Variants in ZNF37A observed in about 807,000 individuals in gnomAD.
The protein encoded by ZNF37A is zinc finger protein 37a (KOX 21).
In ZNF37A, 10 loss-of-function variants were observed where a neutral mutation model predicts 12.3. That is an observed-to-expected ratio of 0.82 (90% CI 0.50 to 1.38). The LOEUF is 1.38. ZNF37A is among the 40% of genes most tolerant of loss of function. The probability of loss-of-function intolerance (pLI) is 0.00; values close to 1 mark genes in which losing one functional copy is unlikely to be tolerated. For missense variants in ZNF37A, 580 were observed against 651.2 expected (o/e 0.89, Z 1.19); for synonymous variants, 207 against 223.0 (o/e 0.93, Z 0.64).
chr10:38,125,650 C>A (rs1422822164), downstream of ZNF37A: 1 of 152,128 alleles, frequency 6.6e-6, no homozygotes, highest in Non-Finnish European at 1.5e-5. Context: ...TTCCACTATT[C>A]TTAATATGGG....
In ZNF37A at chr10:38,118,070, A is replaced by G; in HGVS notation, c.919A>G (p.Thr307Ala). 6.2e-7 allele frequency: 1 copy of G among 1,613,884 alleles called. No homozygotes were observed. The highest frequency in any genetic ancestry group is 8.5e-7 in the Non-Finnish European group (1 of 1,179,928). Reference protein sequence around the residue: ...KPYECHECGKTFYKNSDLIKH... With the variant: ...KPYECHECGKAFYKNSDLIKH... The stretch of plus-strand genomic sequence containing the variant: ...CTATGAATGTCATGAATGTGGGAAG[A>G]CCTTCTATAAGAATTCAGACCTCAT... Residue 307 changes from threonine (T) to alanine (A), a missense_variant, in exon 8 of 8, where the codon ACC (threonine) becomes GCC (alanine). Transcript: ENST00000685332.
rs1420514296 is a variant in ZNF37A at position 38,135,504 on chromosome 10, A to G, written c.239-11228A>G. ...TATAGATTACTAATTATTTTTACAC[A>G]TTTGTCTTTTAAATTCTATAGAAAA... On this transcript the variant is annotated intron_variant, in intron 7 of 7. Coordinates refer to the ZNF37A transcript ENST00000638053. 3.3e-5 allele frequency among the ~76,000 whole-genome samples: 5 copies of G among 152,370 alleles called. No homozygotes were observed. The East Asian group carries it at 7.7e-4, about 23-fold the overall frequency.
At chr10:38,108,732 A>G (rs184604542) in intron 5 of ZNF37A, among the ~76,000 whole-genome samples, 1 of 152,300 alleles carries the variant, frequency 6.6e-6, no homozygotes, top group Admixed American at 6.5e-5. Context: ...TAGAAAATCT[A>G]GAAGAAATGG....
chr10:38,116,732 T>C (rs1374750433), intron 7 of ZNF37A, among the ~76,000 whole-genome samples: 1 of 152,208 alleles, frequency 6.6e-6, no homozygotes, highest in East Asian at 1.9e-4. Flanking sequence ...ACCATAAACC[T>C]GATCCTGTGG....
intron 5 of ZNF37A, among the ~76,000 whole-genome samples, chr10:38,110,718 A>C (rs1001849055): frequency 2.0e-5 from 3 of 152,214 alleles, no homozygotes; most frequent in Non-Finnish European, 2.9e-5. Context: ...GCGGCCAACA[A>C]ACATATGAAA....
chr10:38,133,926 C>A (rs537245971), intron 7 of ZNF37A, among the ~76,000 whole-genome samples: 14 of 152,334 alleles, frequency 9.2e-5, no homozygotes, highest in African/African-American at 3.4e-4. Context: ...GTACACCAAT[C>A]AGACGTAGAT....
chr10:38,098,833 T>G (rs1420365856), intron 5 of ZNF37A, among the ~76,000 whole-genome samples: 1 of 152,174 alleles, frequency 6.6e-6, no homozygotes, highest in African/African-American at 2.4e-5. Context: ...AGCCTAAAAT[T>G]TTTTTGTTTA....
chr10:38,129,871 T>C (rs1371470597), downstream of ZNF37A, among the ~76,000 whole-genome samples: 2 of 152,258 alleles, frequency 1.3e-5, no homozygotes, highest in Non-Finnish European at 2.9e-5. Context: ...GAGGATGATT[T>C]ACTTTGGTAA....
chr10:38,142,750 A>G (rs1449012812), intron 7 of ZNF37A: 1 of 152,172 alleles, frequency 6.6e-6, no homozygotes, highest in Non-Finnish European at 1.5e-5. Context: ...GTGACATTTT[A>G]TGCACGTCAC....
chr10:38,144,053 A>G (rs1043695298), intron 7 of ZNF37A: 11 of 152,234 alleles, frequency 7.2e-5, no homozygotes, highest in Non-Finnish European at 1.2e-4. Flanking sequence ...TGGGCTGCAG[A>G]GGTCAACAGG....
rs542797276 is a variant in ZNF37A, at chr10:38,134,265, C to T, written c.239-12467C>T. Among the ~76,000 whole-genome samples the T allele has an allele frequency of 5.3e-5, 8 of 152,242 alleles. No homozygotes were observed. The South Asian group carries it at 8.3e-4, about 16-fold the overall frequency. ...TTAGCTCAGAGAAGTTTGTTATTAC[C>T]GATCGTCTGAAGCCTTCTTCTCTCA... On this transcript the variant is annotated intron_variant, in intron 7 of 7. Transcript: ENST00000638053.
chr10:38,095,349 C>G (rs1163548396), intron 2 of ZNF37A, 125 bp downstream of exon 2: 1 of 152,324 alleles, frequency 6.6e-6, no homozygotes, highest in Admixed American at 6.5e-5. Flanking sequence ...CGATTTGTGT[C>G]CTTTCCAGAC....
At chr10:38,146,621 G>T (rs1235325403) in intron 7 of ZNF37A, 1 of 392,176 alleles carries the variant, frequency 2.5e-6, no homozygotes, top group Non-Finnish European at 4.5e-6. Context: ...AATAAATGCA[G>T]TAGATCCATA....
chr10:38,114,625 A>T, intron 5 of ZNF37A, 130 bp from the exon 6 acceptor site: 1 of 1,127,722 alleles, frequency 8.9e-7, no homozygotes, highest in Non-Finnish European at 1.3e-6. Context: ...AACATATATC[A>T]TAGGGGCCCT....
exon 8 of ZNF37A, chr10:38,149,162 A>G (rs2070294676): frequency 6.6e-6 from 1 of 152,178 alleles, no homozygotes; most frequent in African/African-American, 2.4e-5. Context: ...ATTCTAACAC[A>G]AAATGATAGC....
Position 38,102,944 on chromosome 10 carries a change from A to G in ZNF37A, c.15+6312A>G, listed in dbSNP as rs182991507. The stretch of plus-strand genomic sequence containing the variant: ...TAATCTTATTTCAGATCCTTTGTAC[A>G]TGGTTAGTCCCTTGTCTCTTGCTAC... On this transcript the variant is annotated intron_variant, in intron 5 of 7. Transcript: ENST00000685332. Among the ~76,000 whole-genome samples the G allele has an allele frequency of 5.6e-3, 852 of 152,164 alleles. 8 individuals are homozygous for G. Among genetic ancestry groups the G allele is most frequent in the African/African-American group, 0.019 (780 of 41,530 alleles).
In ZNF37A at chr10:38,117,379, C is replaced by T. The variant is rs748376481; in HGVS notation, c.239-11C>T. On this transcript the variant is annotated splice_polypyrimidine_tract_variant and intron_variant, in intron 7 of 7. Coordinates refer to ENST00000685332, the MANE Select transcript of ZNF37A (RefSeq NM_001324250.3). Reference sequence around the variant, plus strand: ...TCGTCAACTAACCTTTCTTTTCACTCTGTATTTCAGAATTAATTAATACCA... The same window carrying T: ...TCGTCAACTAACCTTTCTTTTCACTTTGTATTTCAGAATTAATTAATACCA... The T allele has an allele frequency of 6.5e-6, 10 of 1,543,174 alleles. No individual in the cohort carries two copies. Among genetic ancestry groups the T allele is most frequent in the Admixed American group, 2.2e-5 (1 of 45,376 alleles).
At chr10:38,137,411 A>T (rs2070121431) in intron 7 of ZNF37A, 1 of 152,044 alleles carries the variant, frequency 6.6e-6, no homozygotes, top group Non-Finnish European at 1.5e-5. Context: ...GGCTTTCTAA[A>T]TTCTCTCACA....
chr10:38,125,987 T>C (rs1240625162), downstream of ZNF37A, among the ~76,000 whole-genome samples: 1 of 152,084 alleles, frequency 6.6e-6, no homozygotes, highest in East Asian at 1.9e-4. Context: ...TGACCAGATC[T>C]TGGGAGAATT....
Sources: gnomAD v4.1 joint callset for allele counts (sites outside exome capture counted in the v4.1 genomes callset) on GRCh38, gnomAD v4.1.1 for gene constraint, MANE v1.5 for transcripts, NCBI Gene and HGNC (gene_info 2026-07-23, HGNC 2026-07-21) for gene names.